Variants in SGK1 observed in about 807,000 individuals in gnomAD.
The protein encoded by SGK1 is serine/threonine-protein kinase Sgk1.
In SGK1, 26 loss-of-function variants were observed where a neutral mutation model predicts 64.2. The ratio of observed to expected loss-of-function variants is 0.40; its 90% CI spans 0.30 to 0.56. SGK1 has a LOEUF of 0.56. SGK1 is among the 20% of genes least tolerant of loss of function. The pLI is 0.38. For missense variants in SGK1, 519 were observed against 645.6 expected, an observed-to-expected ratio of 0.80 and a Z score of 2.12; for synonymous variants, 265 against 239.7, an observed-to-expected ratio of 1.11 and a Z score of -0.98.
At position 134,272,744 on chromosome 6, in the gene SGK1, G is replaced by A. The variant is rs867914273; in HGVS notation, c.70-10596C>T. Among the ~76,000 whole-genome samples the A allele has an allele frequency of 3.4e-5, 5 of 147,894 alleles. 1 individual carries two copies. The highest frequency in any genetic ancestry group is 1.4e-4 in the Admixed American group (2 of 14,436). ...TAAATGGCAATTTGTTCATTAAATG[G>A]TATTTATGGATTGCTTAATATTTGC... On this transcript the variant is annotated intron_variant, in intron 1 of 13. Transcript: ENST00000367858.
chr6:134,306,014 G>A (rs1377639808), intron 1 of SGK1, among the ~76,000 whole-genome samples: 5 of 152,170 alleles, frequency 3.3e-5, no homozygotes, highest in African/African-American at 4.8e-5. Flanking sequence ...TAAAAGAGAA[G>A]GAAGGTCCTT....
intron 2 of SGK1, among the ~76,000 whole-genome samples, chr6:134,221,303 C>CA (rs1324195973): frequency 7.2e-5 from 11 of 151,854 alleles, no homozygotes; most frequent in Admixed American, 2.6e-4. Context: ...GACTCCGCCT[C>CA]AAAAAATGAA....
At chr6:134,290,197 A>G (rs1199107759) in intron 1 of SGK1, among the ~76,000 whole-genome samples, 2 of 150,050 alleles carry the variant, frequency 1.3e-5, no homozygotes, top group South Asian at 2.1e-4. Context: ...GTTGGCATAC[A>G]TCTGTAGTCC....
intron 2 of SGK1, among the ~76,000 whole-genome samples, chr6:134,249,121 A>G (rs1364176347): frequency 1.3e-5 from 2 of 152,150 alleles, no homozygotes; most frequent in Non-Finnish European, 2.9e-5. Context: ...CGAAATCTCA[A>G]GCATATTTAT....
rs189927523 is a variant in SGK1 at position 134,283,080 on chromosome 6, A to C, written c.70-20932T>G. The C allele has an allele frequency of 1.2e-4, 18 of 152,266 alleles. No individual in the cohort carries two copies. In the East Asian group the frequency reaches 3.3e-3, roughly 28 times the overall value. The allele number at this position is 152,266 out of a possible 1,614,324, so 9.4% of individuals were successfully genotyped here. On this transcript the variant is annotated intron_variant, in intron 1 of 13. Transcript: ENST00000367858. ...AAACTTAAATGTGTCTTTTGTTTAA[A>C]GAAGGCAGCTGAGCCGGTCCAAGTG...
intron 2 of SGK1, among the ~76,000 whole-genome samples, chr6:134,246,092 T>G (rs971655761): frequency 1.3e-5 from 2 of 152,190 alleles, no homozygotes; most frequent in African/African-American, 4.8e-5. Context: ...TTGGACACCT[T>G]ATACATAGTT....
At position 134,205,406 on chromosome 6, in the gene SGK1, T is replaced by TTAGAC. The variant is rs376606500; in HGVS notation, c.361+1945_361+1949dup. On this transcript the variant is annotated intron_variant, in intron 3 of 13. Transcript: ENST00000367858. ...TTTTGACAGATGAAATTGATAATGT[T>TTAGAC]TAGACCGTAAGTCTGGTCTTTGAAA... 3.5e-4 allele frequency among the ~76,000 whole-genome samples: 54 copies of TTAGAC among 152,270 alleles called. 1 individual carries two copies. The East Asian group carries it at 9.8e-3, about 28-fold the overall frequency.
At chr6:134,193,560 G>A (rs565413281) in intron 3 of SGK1, among the ~76,000 whole-genome samples, 35 of 151,460 alleles carry the variant, frequency 2.3e-4, no homozygotes, top group Middle Eastern at 3.4e-3. Flanking sequence ...ACAGTACTTA[G>A]AGTGAGTTGC....
chr6:134,264,655 G>T (rs573591450), intron 1 of SGK1, among the ~76,000 whole-genome samples: 3,787 of 151,816 alleles, frequency 0.025, 88 homozygotes, highest in African/African-American at 0.059. Flanking sequence ...TTTTGTTGTT[G>T]TTGTTGTTAA....
At chr6:134,183,233 C>T (rs1775358458) in intron 3 of SGK1, among the ~76,000 whole-genome samples, 1 of 152,158 alleles carries the variant, frequency 6.6e-6, no homozygotes, top group South Asian at 2.1e-4. Flanking sequence ...AACATGTATA[C>T]AATGTGTAAT....
intron 3 of SGK1, among the ~76,000 whole-genome samples, chr6:134,205,456 C>T (rs1190007682): frequency 6.6e-6 from 1 of 150,846 alleles, no homozygotes; most frequent in African/African-American, 2.4e-5. Flanking sequence ...CAGAAAGTTT[C>T]TCACTTTCCT....
chr6:134,276,357 G>C (rs541499406), intron 1 of SGK1, among the ~76,000 whole-genome samples: 2 of 152,332 alleles, frequency 1.3e-5, no homozygotes, highest in Non-Finnish European at 2.9e-5. Context: ...GGGAGAAGTA[G>C]GACCGGGCTG....
At chr6:134,237,094 AC>A (rs1422060324) in intron 2 of SGK1, among the ~76,000 whole-genome samples, 4 of 137,066 alleles carry the variant, frequency 2.9e-5, no homozygotes, top group African/African-American at 8.1e-5. Context: ...TCACTCCGTC[AC>A]CCAGTTTGGA....
chr6:134,169,415 CTAGTGT>C lies in SGK1; in HGVS notation c.*847_*852del, dbSNP rs1283718295. Reference sequence around the variant, plus strand: ...AAATAAGCCTGTAAGTTTAAATATACTAGTGTTATAACCCAATGTACAGACGTTCTT... The same window carrying C: ...AAATAAGCCTGTAAGTTTAAATATACTATAACCCAATGTACAGACGTTCTT... On this transcript the variant is annotated 3_prime_UTR_variant, in exon 14 of 14. Transcript: ENST00000367858. The C allele has an allele frequency of 6.6e-6, 1 of 152,268 alleles. No homozygotes were observed. Among genetic ancestry groups the C allele is most frequent in the African/African-American group, 2.4e-5 (1 of 41,310 alleles). 9.4% of individuals were successfully genotyped at this position (152,268 alleles called of 1,614,324 possible).
chr6:134,313,424 G>A (rs1242210589), intron 1 of SGK1, among the ~76,000 whole-genome samples: 1 of 152,034 alleles, frequency 6.6e-6, no homozygotes, highest in East Asian at 1.9e-4. Context: ...TGTCAAAGTT[G>A]GTAGTCACTA....
At chr6:134,182,100 T>A (rs978977883) in intron 3 of SGK1, among the ~76,000 whole-genome samples, 2 of 151,472 alleles carry the variant, frequency 1.3e-5, no homozygotes, top group African/African-American at 4.9e-5. Flanking sequence ...TCAAGTGATC[T>A]GTCCTCCTCA....
intron 3 of SGK1, among the ~76,000 whole-genome samples, chr6:134,193,698 C>A (rs1008245217): frequency 7.0e-6 from 1 of 143,384 alleles, no homozygotes; most frequent in African/African-American, 2.6e-5. Context: ...CTGGCTGGAG[C>A]GATTAATAGC....
At chr6:134,269,499 A>T (rs1350050713) in intron 1 of SGK1, among the ~76,000 whole-genome samples, 1 of 146,994 alleles carries the variant, frequency 6.8e-6, no homozygotes, top group Non-Finnish European at 1.5e-5. Context: ...TTTCTACTGA[A>T]AACACAAAAA....
chr6:134,206,337 T>TGA (rs1562250103), intron 3 of SGK1, among the ~76,000 whole-genome samples: 22 of 111,434 alleles, frequency 2.0e-4, no homozygotes, highest in Admixed American at 4.5e-4. Flanking sequence ...CTGTACCTGA[T>TGA]GATATATATA....
Sources: allele counts gnomAD v4.1 joint callset (sites outside exome capture counted in the v4.1 genomes callset), GRCh38; gene constraint gnomAD v4.1.1; transcripts MANE v1.5; gene names NCBI Gene and HGNC (gene_info 2026-07-23, HGNC 2026-07-21).